PIGK: variants seen among roughly 807,000 people sequenced by gnomAD.
PIGK encodes GPI-anchor transamidase.
Under a neutral mutation model 50.6 loss-of-function variants are expected in PIGK, and 42 were observed. That is an observed-to-expected ratio of 0.83 (90% CI 0.65 to 1.07). The LOEUF (loss-of-function observed/expected upper bound fraction) is 1.07. Ranked by LOEUF, PIGK falls within the 50% of genes least tolerant of loss-of-function variation. The pLI is 0.00. For synonymous variants in PIGK, 151 were observed against 156.0 expected, an observed-to-expected ratio of 0.97 and a Z score of 0.24; for missense variants, 448 against 488.7, an observed-to-expected ratio of 0.92 and a Z score of 0.78.
At chr1:77,205,619 T>C (rs1656269919) in intron 3 of PIGK, among the ~76,000 whole-genome samples, 2 of 152,072 alleles carry the variant, frequency 1.3e-5, no homozygotes, top group South Asian at 4.1e-4. Context: ...AAGCTTATTA[T>C]GGTAAAGTGA....
At chr1:77,101,956 A>G (rs1653553523) in intron 10 of PIGK, among the ~76,000 whole-genome samples, 1 of 152,200 alleles carries the variant, frequency 6.6e-6, no homozygotes, top group African/African-American at 2.4e-5. Context: ...GTGAGCTGAG[A>G]TGGTGCCACT....
At chr1:77,107,352 T>C (rs1481253098) in intron 10 of PIGK, among the ~76,000 whole-genome samples, 2 of 152,218 alleles carry the variant, frequency 1.3e-5, no homozygotes, top group Non-Finnish European at 2.9e-5. Flanking sequence ...ATGTACCCAG[T>C]AGTCATTCAG....
chr1:77,156,866 T>G (rs1655020127), intron 8 of PIGK, among the ~76,000 whole-genome samples: 1 of 152,150 alleles, frequency 6.6e-6, no homozygotes, highest in African/African-American at 2.4e-5. Context: ...GAGTGTAAGA[T>G]GAATATAACA....
At position 77,096,892 on chromosome 1, in the gene PIGK, T is replaced by TTG. The variant is rs1473069500; in HGVS notation, c.1072-4403_1072-4402insCA. ...AGCTTCGGGTTTTTCTTTTTTTTTT[T>TTG]TTTTTGTTTTTTTGTTTTTTTGTTT... On this transcript the variant is annotated intron_variant, in intron 10 of 10. Coordinates refer to ENST00000370812, the MANE Select transcript of PIGK (RefSeq NM_005482.3). Among the ~76,000 whole-genome samples the TTG allele has an allele frequency of 1.7e-4, 25 of 146,976 alleles. No homozygotes were observed. The South Asian group carries it at 4.2e-3, about 25-fold the overall frequency.
intron 10 of PIGK, among the ~76,000 whole-genome samples, chr1:77,110,600 A>G (rs2100518949): frequency 6.6e-6 from 1 of 152,314 alleles, no homozygotes; most frequent in South Asian, 2.1e-4. Flanking sequence ...ACCTTATACA[A>G]AAATTAATTC....
At chr1:77,213,972 T>C (rs1295718064) in intron 1 of PIGK, among the ~76,000 whole-genome samples, 1 of 152,080 alleles carries the variant, frequency 6.6e-6, no homozygotes, top group Non-Finnish European at 1.5e-5. Context: ...CAAGCTACCA[T>C]GACTGAATCA....
intron 9 of PIGK, among the ~76,000 whole-genome samples, chr1:77,127,455 G>A (rs532539743): frequency 7.2e-5 from 11 of 152,124 alleles, no homozygotes; most frequent in South Asian, 2.1e-4. Flanking sequence ...TCCCAGCTAC[G>A]TGGGAGATTG....
At chr1:77,200,059 G>T (rs890804826) in intron 3 of PIGK, among the ~76,000 whole-genome samples, 1 of 152,144 alleles carries the variant, frequency 6.6e-6, no homozygotes, top group African/African-American at 2.4e-5. Context: ...CTGAAGCCTG[G>T]ATGAAAATTT....
At chr1:77,110,698 G>A (rs1653820405) in intron 10 of PIGK, among the ~76,000 whole-genome samples, 1 of 152,112 alleles carries the variant, frequency 6.6e-6, no homozygotes, top group Admixed American at 6.5e-5. Flanking sequence ...ACATAGGCAT[G>A]GGCAAGGACT....
rs554906911 is a variant in PIGK, at chr1:77,173,917, T to G, written c.240-4522A>C. Among the ~76,000 whole-genome samples, 9 of 152,364 alleles carry G rather than the reference T, an allele frequency of 5.9e-5. No individual in the cohort carries two copies. In the South Asian group the frequency reaches 1.9e-3, roughly 32 times the overall value. On this transcript the variant is annotated intron_variant, in intron 3 of 10. Transcript: ENST00000370812. ...TGGTACTTTCTCTTAGTCTCCACCT[T>G]CCAGGGAAAAGGAATTTTGGGGTTC...
At position 77,092,296 on chromosome 1, in the gene PIGK, C is replaced by T; in HGVS notation, c.*78G>A. 1 of 649,842 alleles carries T rather than the reference C, an allele frequency of 1.5e-6. No individual in the cohort carries two copies. Among genetic ancestry groups the T allele is most frequent in the Non-Finnish European group, 2.7e-6 (1 of 375,996 alleles). 40.3% of individuals were successfully genotyped at this position (649,842 alleles called of 1,614,324 possible). On this transcript the variant is annotated 3_prime_UTR_variant, in exon 11 of 11. Transcript: ENST00000370812. Reference sequence around the variant, plus strand: ...ATTTCCAATTCATACAAGAGAAACACATTTTTAAAAATATATAATGACATA... The same window carrying T: ...ATTTCCAATTCATACAAGAGAAACATATTTTTAAAAATATATAATGACATA...
At chr1:77,098,682 A>C (rs1285270663) in intron 10 of PIGK, among the ~76,000 whole-genome samples, 1 of 152,162 alleles carries the variant, frequency 6.6e-6, no homozygotes, top group African/African-American at 2.4e-5. Context: ...TCTGTATTTC[A>C]AAATGTATAG....
chr1:77,096,493 C>T (rs1653407278), intron 10 of PIGK, among the ~76,000 whole-genome samples: 1 of 152,182 alleles, frequency 6.6e-6, no homozygotes, highest in South Asian at 2.1e-4. Context: ...TGCTTCTGCT[C>T]TCTCTCAGAC....
chr1:77,133,949 G>A (rs915579929), intron 9 of PIGK, among the ~76,000 whole-genome samples: 35 of 152,262 alleles, frequency 2.3e-4, no homozygotes, highest in South Asian at 4.1e-4. Context: ...CTCTGTCCCC[G>A]TTAGTAACCC....
chr1:77,107,037 C>G (rs1257266461), intron 10 of PIGK, among the ~76,000 whole-genome samples: 1 of 152,118 alleles, frequency 6.6e-6, no homozygotes, highest in Non-Finnish European at 1.5e-5. Context: ...TTCAAAAAAA[C>G]AGCTCCTGGA....
intron 3 of PIGK, among the ~76,000 whole-genome samples, chr1:77,173,226 A>G (rs919580896): frequency 1.3e-5 from 2 of 152,210 alleles, no homozygotes; most frequent in South Asian, 4.1e-4. Flanking sequence ...ACGCAGTGAA[A>G]TGCATTTAAA....
intron 9 of PIGK, among the ~76,000 whole-genome samples, chr1:77,148,861 C>G (rs552639252): frequency 1.3e-5 from 2 of 151,940 alleles, no homozygotes; most frequent in African/African-American, 4.8e-5. Context: ...ACTACAGGTG[C>G]GCACTGCCAC....
At chr1:77,171,463 A>AAAAG (rs1655361600) in intron 3 of PIGK, among the ~76,000 whole-genome samples, 1 of 144,092 alleles carries the variant, frequency 6.9e-6, no homozygotes, top group Non-Finnish European at 1.5e-5. Flanking sequence ...AAAAAAAAAA[A>AAAAG]GAATATTTCT....
chr1:77,190,521 C>T (rs1231455154), intron 3 of PIGK, among the ~76,000 whole-genome samples: 1 of 152,106 alleles, frequency 6.6e-6, no homozygotes, highest in Non-Finnish European at 1.5e-5. Context: ...ATATTTATGG[C>T]ACATAATTAA....
Sources: gnomAD v4.1 joint callset for allele counts (sites outside exome capture counted in the v4.1 genomes callset) on GRCh38, gnomAD v4.1.1 for gene constraint, MANE v1.5 for transcripts, NCBI Gene and HGNC (gene_info 2026-07-23, HGNC 2026-07-21) for gene names.